MIAT: variants seen among roughly 807,000 people sequenced by gnomAD.
MIAT encodes MI related novel mRNA.
chr22:26,657,417 G>T, intron 2 of MIAT: 1 of 398,118 alleles, frequency 2.5e-6, no homozygotes, highest in Admixed American at 4.4e-5. Context: ...GTGGAGGTGA[G>T]GGCCGGGGGT....
At chr22:26,670,360 A>G (rs1378862050), downstream of MIAT, 3 of 398,532 alleles carry the variant, frequency 7.5e-6, no homozygotes, top group Non-Finnish European at 1.3e-5. Flanking sequence ...TGGATGGGAT[A>G]AAACCAGCTC....
intron 2 of MIAT, among the ~76,000 whole-genome samples, chr22:26,648,847 A>G (rs568698000): frequency 2.6e-5 from 4 of 151,798 alleles, no homozygotes; most frequent in Non-Finnish European, 5.9e-5. Context: ...AGGTATAAGA[A>G]CTCTAGGTCT....
chr22:26,670,602 TAAAAA>T (rs34401113), downstream of MIAT: 5,624 of 307,832 alleles, frequency 0.018, 1 homozygote, highest in East Asian at 0.058. Context: ...CATTGCTCCT[TAAAAA>T]AAAAAAAAAA....
At chr22:26,668,039 G>T in intron 5 of MIAT, 2 of 397,614 alleles carry the variant, frequency 5.0e-6, no homozygotes, top group Non-Finnish European at 8.8e-6. Context: ...CTGGGGGCAT[G>T]AGAGACTGGG....
At chr22:26,671,146 C>G, downstream of MIAT, 1 of 398,634 alleles carries the variant, frequency 2.5e-6, no homozygotes, top group Non-Finnish European at 4.4e-6. Context: ...TGACCAGAAC[C>G]AGGCAGGGGG....
At chr22:26,646,477 G>A (rs1930237987) in exon 1 of MIAT, 1 of 399,152 alleles carries the variant, frequency 2.5e-6, no homozygotes, top group African/African-American at 2.1e-5. Context: ...CTGTACAGGG[G>A]TTGCTGACCA....
chr22:26,654,168 A>G (rs1930384197), intron 2 of MIAT, among the ~76,000 whole-genome samples: 1 of 152,142 alleles, frequency 6.6e-6, no homozygotes, highest in Admixed American at 6.5e-5. Context: ...AGTAAACCTG[A>G]TTTTCCTCCC....
At chr22:26,670,283 A>C (rs1930996245), downstream of MIAT, 1 of 398,438 alleles carries the variant, frequency 2.5e-6, no homozygotes, top group Non-Finnish European at 4.4e-6. Flanking sequence ...TTCCCGTGCT[A>C]GCCATTTGGG....
chr22:26,669,461 T>A (rs1019564754), exon 6 of MIAT: 1 of 398,178 alleles, frequency 2.5e-6, no homozygotes, highest in East Asian at 3.6e-5. Flanking sequence ...ACAGAGAGCA[T>A]GAGCAGGCTC....
chr22:26,662,904 AG>A (rs1186082768), intron 2 of MIAT, among the ~76,000 whole-genome samples: 1 of 152,242 alleles, frequency 6.6e-6, no homozygotes, highest in Non-Finnish European at 1.5e-5. Context: ...CTGTGTGGTC[AG>A]TGATAATAAT....
chr22:26,671,963 A>G (rs1931062117), downstream of MIAT: 2 of 398,526 alleles, frequency 5.0e-6, no homozygotes, highest in Non-Finnish European at 8.8e-6. Context: ...TTGGCTTTGA[A>G]TCCATGTCAC....
downstream of MIAT, chr22:26,671,831 A>T (rs1288929963): frequency 0.074 from 12,967 of 174,356 alleles, no homozygotes; most frequent in East Asian, 0.23. Context: ...GCAGACACCT[A>T]AAAAAAAAAA....
At chr22:26,673,699 A>G (rs1931154540), downstream of MIAT, 1 of 379,724 alleles carries the variant, frequency 2.6e-6, no homozygotes, top group African/African-American at 2.3e-5. Flanking sequence ...TTTGAACTTG[A>G]CTAACACAGG....
At chr22:26,668,517 T>G in exon 6 of MIAT, 1 of 399,122 alleles carries the variant, frequency 2.5e-6, no homozygotes. Context: ...ACTTGATTCC[T>G]CCTCGCGTTT....
intron 5 of MIAT, chr22:26,667,546 C>T (rs1930897781): frequency 2.9e-6 from 1 of 345,858 alleles, no homozygotes; most frequent in African/African-American, 2.1e-5. Context: ...CCCTCAAACC[C>T]TTGCCCTGTC....
chr22:26,674,066 G>C, downstream of MIAT: 1 of 398,676 alleles, frequency 2.5e-6, no homozygotes, highest in South Asian at 1.3e-4. Context: ...CCCCAGGCCA[G>C]GGCCTAGAGT....
At chr22:26,667,599 C>T (rs1930899770) in intron 5 of MIAT, 1 of 285,444 alleles carries the variant, frequency 3.5e-6, no homozygotes, top group Non-Finnish European at 6.4e-6. Context: ...GCTCCCTTTA[C>T]TGCTTTTCCT....
chr22:26,670,314 G>A (rs992130973), downstream of MIAT: 8 of 398,424 alleles, frequency 2.0e-5, no homozygotes, highest in Non-Finnish European at 3.5e-5. Context: ...GTGAAGAGTG[G>A]CTGGGGTTTG....
intron 2 of MIAT, among the ~76,000 whole-genome samples, chr22:26,659,223 A>T (rs1930568258): frequency 6.6e-6 from 1 of 152,150 alleles, no homozygotes; most frequent in Admixed American, 6.5e-5. Flanking sequence ...TTCTAGGCAG[A>T]ATCATCCAGC....
Sources: allele counts gnomAD v4.1 joint callset (sites outside exome capture counted in the v4.1 genomes callset), GRCh38; gene constraint gnomAD v4.1.1; transcripts MANE v1.5; gene names NCBI Gene and HGNC (gene_info 2026-07-23, HGNC 2026-07-21).